Variants in RPTOR observed in about 807,000 individuals in gnomAD.
RPTOR encodes regulatory associated protein of MTOR complex 1.
RPTOR carries 21 observed loss-of-function variants against 169.9 expected under a neutral mutation model. The ratio of observed to expected loss-of-function variants is 0.12; its 90% CI spans 0.09 to 0.18. The LOEUF is 0.18. Ranked by LOEUF, RPTOR falls within the 10% of genes least tolerant of loss-of-function variation. RPTOR has a pLI of 1.00. For synonymous variants in RPTOR, 732 were observed against 753.2 expected, an observed-to-expected ratio of 0.97 and a Z score of 0.46; for missense variants, 1,133 against 1,855.9, an observed-to-expected ratio of 0.61 and a Z score of 7.16.
At chr17:80,640,999 T>C (rs2065549696) in intron 2 of RPTOR, among the ~76,000 whole-genome samples, 1 of 152,264 alleles carries the variant, frequency 6.6e-6, no homozygotes. Flanking sequence ...CTCCTCCTCA[T>C]GCATGCGGCA....
At chr17:80,768,534 T>C (rs910132244) in intron 6 of RPTOR, among the ~76,000 whole-genome samples, 29 of 152,284 alleles carry the variant, frequency 1.9e-4, no homozygotes, top group Admixed American at 1.2e-3. Flanking sequence ...TTGGGTGAAA[T>C]ACTGCACGGG....
chr17:80,863,231 A>AG (rs765162605), intron 13 of RPTOR, among the ~76,000 whole-genome samples: 1 of 152,142 alleles, frequency 6.6e-6, no homozygotes, highest in African/African-American at 2.4e-5. Flanking sequence ...AGGAGCACCA[A>AG]GGGGGGCACA....
chr17:80,621,369 T>A (rs1330304596), intron 1 of RPTOR, among the ~76,000 whole-genome samples: 1 of 152,186 alleles, frequency 6.6e-6, no homozygotes, highest in Non-Finnish European at 1.5e-5. Context: ...TTAGCTGCAT[T>A]TGTAGAGGTG....
intron 3 of RPTOR, among the ~76,000 whole-genome samples, chr17:80,684,545 C>T (rs1294723542): frequency 2.0e-5 from 3 of 151,718 alleles, no homozygotes; most frequent in African/African-American, 4.8e-5. Context: ...CCCGGGTTCA[C>T]GCCATTCTCC....
intron 11 of RPTOR, among the ~76,000 whole-genome samples, chr17:80,847,775 G>A (rs1269432273): frequency 6.6e-6 from 1 of 152,194 alleles, no homozygotes; most frequent in African/African-American, 2.4e-5. Flanking sequence ...GAGTGGCGCC[G>A]CCCACCTGCC....
intron 5 of RPTOR, among the ~76,000 whole-genome samples, chr17:80,743,902 C>CTA (rs2066522862): frequency 3.3e-5 from 3 of 89,692 alleles, no homozygotes; most frequent in African/African-American, 4.9e-5. Flanking sequence ...GTCCTGGTTA[C>CTA]GAGCACAGCC....
intron 1 of RPTOR, among the ~76,000 whole-genome samples, chr17:80,555,869 G>T (rs904779327): frequency 1.3e-5 from 2 of 152,056 alleles, no homozygotes; most frequent in Non-Finnish European, 2.9e-5. Context: ...TGGATGGAGT[G>T]GGGTGATTGG....
In RPTOR at chr17:80,571,631, T is replaced by C. The variant is rs1426990026; in HGVS notation, c.162+25840T>C. On this transcript the variant is annotated intron_variant, in intron 1 of 33. Transcript: ENST00000306801. ...GACCTCCTGGGCTCAATTGATCCTC[T>C]CACCTCAGCTTCCCGGGTAACTGAG... 2.6e-5 allele frequency among the ~76,000 whole-genome samples: 4 copies of C among 152,066 alleles called. No individual in the cohort carries two copies. In the East Asian group the frequency reaches 5.8e-4, roughly 22 times the overall value.
At chr17:80,882,694 A>G (rs549145299) in intron 14 of RPTOR, among the ~76,000 whole-genome samples, 2 of 152,340 alleles carry the variant, frequency 1.3e-5, no homozygotes, top group African/African-American at 4.8e-5. Flanking sequence ...AAGATGCAGG[A>G]CACGGCAAAA....
chr17:80,772,963 C>G (rs2066859461), intron 6 of RPTOR, among the ~76,000 whole-genome samples: 1 of 152,208 alleles, frequency 6.6e-6, no homozygotes, highest in South Asian at 2.1e-4. Flanking sequence ...GAGCGCTCTT[C>G]TCTTCATTAC....
chr17:80,774,260 C>T (rs1018324450), intron 6 of RPTOR: 40 of 985,272 alleles, frequency 4.1e-5, no homozygotes, highest in Admixed American at 6.1e-5. Flanking sequence ...GCTCACGCTC[C>T]GGTGTGACAC....
intron 3 of RPTOR, among the ~76,000 whole-genome samples, chr17:80,684,706 T>A (rs35662778): frequency 0.18 from 26,686 of 152,004 alleles, 3,739 homozygotes; most frequent in African/African-American, 0.39. Context: ...CGGCCTCCCA[T>A]AGTGCTGGGA....
chr17:80,730,775 T>TGGGGGG lies in RPTOR; in HGVS notation c.654+73_654+74insGGGGGG. 2 of 454,478 alleles carry TGGGGGG rather than the reference T, an allele frequency of 4.4e-6. No individual in the cohort carries two copies. The highest frequency in any genetic ancestry group is 8.3e-6 in the Non-Finnish European group (2 of 239,918). 28.2% of individuals were successfully genotyped at this position (454,478 alleles called of 1,614,324 possible). On this transcript the variant is annotated intron_variant, in intron 5 of 33. Coordinates refer to ENST00000306801, the MANE Select transcript of RPTOR (RefSeq NM_020761.3). This position sits in a 1 kb window ranked among gnomAD's most constrained non-coding sequence, Gnocchi z 4.2. The stretch of plus-strand genomic sequence containing the variant: ...GTTTTCCCTGGGGGTGGGGTTTGGG[T>TGGGGGG]GGGGAGGTTGGGAGGTGTTGGACAT...
intron 5 of RPTOR, among the ~76,000 whole-genome samples, chr17:80,740,993 C>T (rs12947784): frequency 0.18 from 27,389 of 152,212 alleles, 2,931 homozygotes; most frequent in East Asian, 0.24. Context: ...TGCTACCTCG[C>T]GCCACTAGGG....
intron 14 of RPTOR, among the ~76,000 whole-genome samples, chr17:80,881,106 ATTC>A (rs2068181742): frequency 6.6e-6 from 1 of 152,246 alleles, no homozygotes; most frequent in South Asian, 2.1e-4. Flanking sequence ...ATCCTAAATA[ATTC>A]TTTAACATAA....
At chr17:80,547,995 T>A (rs1024293941) in intron 1 of RPTOR, among the ~76,000 whole-genome samples, 1 of 152,092 alleles carries the variant, frequency 6.6e-6, no homozygotes, top group African/African-American at 2.4e-5. Context: ...TAAATATTCA[T>A]ACTAATTCAG....
intron 5 of RPTOR, among the ~76,000 whole-genome samples, chr17:80,739,741 A>G (rs2066466774): frequency 1.3e-5 from 2 of 152,254 alleles, no homozygotes; most frequent in Admixed American, 6.5e-5. Flanking sequence ...AAAAAAATAC[A>G]TAGAGTTAGA....
intron 5 of RPTOR, among the ~76,000 whole-genome samples, chr17:80,737,021 G>A (rs979372475): frequency 6.6e-6 from 1 of 152,194 alleles, no homozygotes; most frequent in African/African-American, 2.4e-5. Flanking sequence ...GCTGACATGT[G>A]TTAGGTCACA....
At chr17:80,790,689 G>A (rs1027038543) in intron 6 of RPTOR, among the ~76,000 whole-genome samples, 4 of 152,164 alleles carry the variant, frequency 2.6e-5, no homozygotes, top group African/African-American at 4.8e-5. Context: ...CCAACAGTCC[G>A]CGAGTGTGTT....
Sources: gnomAD v4.1 joint callset for allele counts (sites outside exome capture counted in the v4.1 genomes callset) on GRCh38, gnomAD v4.1.1 for gene constraint, Gnocchi (gnomAD v3.1) non-coding constraint, MANE v1.5 for transcripts, NCBI Gene and HGNC (gene_info 2026-07-23, HGNC 2026-07-21) for gene names.